Variants in ZNF385D observed in about 807,000 individuals in gnomAD.
ZNF385D encodes the protein zinc finger protein 659.
ZNF385D carries 15 observed loss-of-function variants against 35.8 expected under a neutral mutation model. The ratio of observed to expected loss-of-function variants is 0.42; its 90% CI spans 0.28 to 0.64. The LOEUF (loss-of-function observed/expected upper bound fraction) is 0.64, where lower values mean the gene tolerates loss of function less well. Among genes scored for constraint, ZNF385D ranks in the 30% least tolerant of loss-of-function variants. The probability of loss-of-function intolerance (pLI) is 0.23; values close to 1 mark genes in which losing one functional copy is unlikely to be tolerated. For synonymous variants in ZNF385D, 212 were observed against 186.8 expected (o/e 1.13, Z -1.10); for missense variants, 474 against 494.6 (o/e 0.96, Z 0.39).
chr3:22,321,164 GTTTTTTTT>G, intron 2 of ZNF385D, among the ~76,000 whole-genome samples: 3 of 76,164 alleles, frequency 3.9e-5, no homozygotes, highest in African/African-American at 5.0e-5. Context: ...TTATGACCTT[GTTTTTTTT>G]TTTTTTTTTT....
chr3:21,880,898 A>G (rs9822820), intron 3 of ZNF385D, among the ~76,000 whole-genome samples: 2,733 of 152,114 alleles, frequency 0.018, 83 homozygotes, highest in African/African-American at 0.061. Flanking sequence ...TCTGGATAGA[A>G]GATTAAACAA....
At position 22,362,045 on chromosome 3, in the gene ZNF385D, T is replaced by C. The variant is rs150448533; in HGVS notation, c.106+10405A>G. Among the ~76,000 whole-genome samples, 6 of 151,472 alleles carry C rather than the reference T, an allele frequency of 4.0e-5. No individual in the cohort carries two copies. The East Asian group carries it at 7.7e-4, about 20-fold the overall frequency. ...TTATTAGTTATAATTATATTATTAA[T>C]ATATTAATATGGATGTATGCTATTT... On this transcript the variant is annotated intron_variant, in intron 2 of 5. Coordinates refer to the ZNF385D transcript ENST00000494108.
chr3:21,491,879 G>C (rs1705449071), intron 4 of ZNF385D, among the ~76,000 whole-genome samples: 1 of 152,112 alleles, frequency 6.6e-6, no homozygotes, highest in African/African-American at 2.4e-5. Context: ...TAAAGTACTT[G>C]TATCCTATCC....
At chr3:21,694,157 C>T (rs2067388806) in intron 1 of ZNF385D, among the ~76,000 whole-genome samples, 1 of 150,420 alleles carries the variant, frequency 6.6e-6, no homozygotes, top group South Asian at 2.1e-4. Flanking sequence ...CATTCTCCTG[C>T]CTCAGCCTCC....
At chr3:22,183,867 T>C (rs1251440186) in intron 2 of ZNF385D, among the ~76,000 whole-genome samples, 1 of 151,558 alleles carries the variant, frequency 6.6e-6, no homozygotes. Flanking sequence ...TTCAACAAAT[T>C]TTTTTTTGCA....
At chr3:22,333,761 G>T (rs1479948612) in intron 2 of ZNF385D, among the ~76,000 whole-genome samples, 1 of 152,096 alleles carries the variant, frequency 6.6e-6, no homozygotes, top group African/African-American at 2.4e-5. Context: ...CTCCACCCTA[G>T]ACTAGATGAT....
At chr3:21,883,815 G>A (rs1450543490) in intron 3 of ZNF385D, among the ~76,000 whole-genome samples, 1 of 152,006 alleles carries the variant, frequency 6.6e-6, no homozygotes, top group African/African-American at 2.4e-5. Context: ...TATTATCATG[G>A]AAGTTCTTTC....
intron 3 of ZNF385D, among the ~76,000 whole-genome samples, chr3:22,069,615 G>A (rs1700134251): frequency 6.6e-6 from 1 of 152,012 alleles, no homozygotes; most frequent in Middle Eastern, 3.2e-3. Context: ...GAATTTTTTG[G>A]CCTCTAAGAA....
intron 1 of ZNF385D, among the ~76,000 whole-genome samples, chr3:21,682,293 A>G (rs2066940848): frequency 6.8e-6 from 1 of 146,920 alleles, no homozygotes; most frequent in Non-Finnish European, 1.5e-5. Context: ...AAAGATGTAC[A>G]CAACCTGGAA....
chr3:21,598,000 T>G (rs1233447189), intron 2 of ZNF385D, among the ~76,000 whole-genome samples: 1 of 152,192 alleles, frequency 6.6e-6, no homozygotes, highest in Non-Finnish European at 1.5e-5. Context: ...GAAGAAGTAT[T>G]AAATGGAATT....
chr3:22,003,459 A>T (rs150858397), intron 3 of ZNF385D, among the ~76,000 whole-genome samples: 45 of 152,332 alleles, frequency 3.0e-4, no homozygotes, highest in African/African-American at 9.1e-4. Context: ...TCTTATGCTC[A>T]TGGATTGGTA....
At chr3:22,121,026 T>G (rs1703064580) in intron 3 of ZNF385D, among the ~76,000 whole-genome samples, 2 of 152,194 alleles carry the variant, frequency 1.3e-5, no homozygotes, top group Non-Finnish European at 2.9e-5. Context: ...AATGCAAAGT[T>G]GCTTTATATC....
At chr3:22,168,952 G>A (rs1706512014) in exon 3 of ZNF385D, 1 of 985,662 alleles carries the variant, frequency 1.0e-6, no homozygotes. Context: ...AAGTTGGTAT[G>A]TTTCTTTTCT....
chr3:21,456,346 AC>A (rs1438289347), intron 4 of ZNF385D, among the ~76,000 whole-genome samples: 1 of 152,230 alleles, frequency 6.6e-6, no homozygotes, highest in Non-Finnish European at 1.5e-5. Flanking sequence ...CAAACGTCCA[AC>A]AATGATAGAC....
chr3:21,422,473 T>C (rs1196935136), intron 7 of ZNF385D, among the ~76,000 whole-genome samples: 2 of 152,190 alleles, frequency 1.3e-5, no homozygotes, highest in African/African-American at 4.8e-5. Flanking sequence ...GAGGAGGAAC[T>C]TCTCCCTAAC....
intron 3 of ZNF385D, among the ~76,000 whole-genome samples, chr3:21,945,770 A>G (rs1701751850): frequency 6.6e-6 from 1 of 152,200 alleles, no homozygotes; most frequent in African/African-American, 2.4e-5. Context: ...AACTTTGTGA[A>G]ATGTCTTAAA....
chr3:22,244,213 A>G (rs974977217), intron 2 of ZNF385D, among the ~76,000 whole-genome samples: 3 of 150,498 alleles, frequency 2.0e-5, no homozygotes, highest in African/African-American at 4.9e-5. Context: ...AGGGTTTGCA[A>G]TACCTGCAGT....
At chr3:21,932,194 A>AAAAAG (rs1701047571) in intron 3 of ZNF385D, among the ~76,000 whole-genome samples, 3 of 140,808 alleles carry the variant, frequency 2.1e-5, no homozygotes, top group African/African-American at 7.8e-5. Context: ...AAAAAAAAAA[A>AAAAAG]GTGTGACTTG....
intron 3 of ZNF385D, among the ~76,000 whole-genome samples, chr3:22,105,126 C>T (rs1207170190): frequency 1.3e-5 from 2 of 152,076 alleles, no homozygotes; most frequent in Non-Finnish European, 2.9e-5. Flanking sequence ...GTCTAATGTA[C>T]TTATCTATTT....
Sources: gnomAD v4.1 joint callset for allele counts (sites outside exome capture counted in the v4.1 genomes callset) on GRCh38, gnomAD v4.1.1 for gene constraint, MANE v1.5 for transcripts, NCBI Gene and HGNC (gene_info 2026-07-23, HGNC 2026-07-21) for gene names.